CAMSAP2: variants seen among roughly 807,000 people sequenced by gnomAD.
The protein encoded by CAMSAP2 is calmodulin-regulated spectrin-associated protein 2.
In CAMSAP2, 26 loss-of-function variants were observed where a neutral mutation model predicts 146.1. The observed-to-expected ratio is 0.18, with a 90% CI of 0.13 to 0.25. CAMSAP2 has a LOEUF of 0.25. CAMSAP2 is among the 10% of genes least tolerant of loss of function. The pLI is 1.00. For missense variants in CAMSAP2, 1,381 were observed against 1,759.3 expected, an observed-to-expected ratio of 0.78 and a Z score of 3.85; for synonymous variants, 499 against 596.6, an observed-to-expected ratio of 0.84 and a Z score of 2.38.
At chr1:200,827,881 A>C (rs749230856) in intron 4 of CAMSAP2, among the ~76,000 whole-genome samples, 18 of 152,264 alleles carry the variant, frequency 1.2e-4, no homozygotes, top group South Asian at 8.3e-4. Flanking sequence ...TTATGGGTTT[A>C]TTATATTCAT....
intron 4 of CAMSAP2, among the ~76,000 whole-genome samples, chr1:200,826,303 A>C (rs553365410): frequency 6.6e-6 from 1 of 151,900 alleles, no homozygotes; most frequent in Non-Finnish European, 1.5e-5. Context: ...ATGGTGGTGC[A>C]TGCCTGTTGT....
rs548962016 is a variant in CAMSAP2 at position 200,755,750 on chromosome 1, G to A, written c.140-5089G>A. Among the ~76,000 whole-genome samples the A allele has an allele frequency of 1.8e-3, 280 of 152,300 alleles. 1 individual carries two copies. The highest frequency in any genetic ancestry group is 3.4e-3 in the Middle Eastern group (1 of 294). ...GCAGTTCCAGGTACTAGTGACACAGGACAGATAAGTATCTTGCTCTCCTTC... is the reference window on the plus strand; with the variant it reads ...GCAGTTCCAGGTACTAGTGACACAGAACAGATAAGTATCTTGCTCTCCTTC... On this transcript the variant is annotated intron_variant, in intron 1 of 16. Transcript: ENST00000358823.
At chr1:200,825,509 C>CTT (rs750646682) in intron 4 of CAMSAP2, among the ~76,000 whole-genome samples, 4 of 141,712 alleles carry the variant, frequency 2.8e-5, no homozygotes, top group East Asian at 2.0e-4. Context: ...TTCTTTCTTC[C>CTT]TTTTTTTTTT....
chr1:200,752,839 G>A (rs373800273), intron 1 of CAMSAP2, among the ~76,000 whole-genome samples: 4 of 151,794 alleles, frequency 2.6e-5, no homozygotes, highest in Admixed American at 2.0e-4. Context: ...GGATGGTCTC[G>A]ATCTCCTGAC....
intron 2 of CAMSAP2, among the ~76,000 whole-genome samples, chr1:200,764,640 A>T (rs970598318): frequency 1.3e-5 from 2 of 152,208 alleles, no homozygotes; most frequent in Non-Finnish European, 2.9e-5. Context: ...CTGATAGTTA[A>T]ATTGTTAAAG....
Position 200,859,120 on chromosome 1 carries a change from T to A in CAMSAP2, c.*1061T>A, listed in dbSNP as rs537517131. On this transcript the variant is annotated 3_prime_UTR_variant, in exon 17 of 17. Coordinates refer to ENST00000358823, the MANE Select transcript of CAMSAP2 (RefSeq NM_203459.4). ...GGGTTTTTCTTCATTTTAATCCTTT[T>A]CAAGTGGAATGGCTTAGAATAAGTA... 10 of 152,776 alleles carry A rather than the reference T, an allele frequency of 6.5e-5. No individual in the cohort carries two copies. In the East Asian group the frequency reaches 1.5e-3, roughly 23 times the overall value. The allele number at this position is 152,776 out of a possible 1,614,324, so 9.5% of individuals were successfully genotyped here.
At chr1:200,786,510 A>C (rs572259955) in intron 2 of CAMSAP2, among the ~76,000 whole-genome samples, 2 of 151,822 alleles carry the variant, frequency 1.3e-5, no homozygotes, top group Admixed American at 1.3e-4. Flanking sequence ...CAGCCTCCTG[A>C]GTAGCTGGAA....
chr1:200,740,069 T>G, intron 1 of CAMSAP2, 103 bp downstream of exon 1: 2 of 1,318,352 alleles, frequency 1.5e-6, no homozygotes, highest in Non-Finnish European at 2.1e-6. Flanking sequence ...GCCTGTCTTC[T>G]CGTACAGGTT....
intron 1 of CAMSAP2, among the ~76,000 whole-genome samples, chr1:200,749,992 G>A (rs1008905937): frequency 1.3e-5 from 2 of 152,098 alleles, no homozygotes; most frequent in Admixed American, 6.6e-5. Flanking sequence ...GCCAGAGGAA[G>A]GATTTTAATC....
chr1:200,803,252 G>A (rs1666081624), intron 2 of CAMSAP2, among the ~76,000 whole-genome samples: 2 of 152,176 alleles, frequency 1.3e-5, no homozygotes. Flanking sequence ...CCTTGGACAG[G>A]TTATACAGTT....
intron 1 of CAMSAP2, among the ~76,000 whole-genome samples, chr1:200,743,823 C>A (rs1317880371): frequency 6.6e-6 from 1 of 152,022 alleles, no homozygotes; most frequent in Non-Finnish European, 1.5e-5. Context: ...TGCCTGTAAT[C>A]CCAACTACTC....
At chr1:200,830,242 T>C (rs1667008072) in intron 4 of CAMSAP2, among the ~76,000 whole-genome samples, 1 of 152,258 alleles carries the variant, frequency 6.6e-6, no homozygotes, top group Non-Finnish European at 1.5e-5. Context: ...TGGCATCCCA[T>C]TCATAATTCT....
At chr1:200,749,927 T>C (rs1007394887) in intron 1 of CAMSAP2, among the ~76,000 whole-genome samples, 1 of 152,096 alleles carries the variant, frequency 6.6e-6, no homozygotes, top group African/African-American at 2.4e-5. Context: ...GAAGAGAGCA[T>C]GGTTTCCAGG....
intron 2 of CAMSAP2, among the ~76,000 whole-genome samples, chr1:200,786,977 G>T (rs1173151519): frequency 2.7e-5 from 4 of 149,580 alleles, no homozygotes; most frequent in Non-Finnish European, 6.0e-5. Flanking sequence ...TTATAGCATG[G>T]TTTACTGGAT....
At chr1:200,811,010 C>A (rs376075730) in intron 3 of CAMSAP2, among the ~76,000 whole-genome samples, 2 of 152,190 alleles carry the variant, frequency 1.3e-5, no homozygotes, top group African/African-American at 4.8e-5. Context: ...TTTGCTATTT[C>A]GTTAGCCTGC....
At chr1:200,767,192 G>C (rs1664977314) in intron 2 of CAMSAP2, among the ~76,000 whole-genome samples, 1 of 151,934 alleles carries the variant, frequency 6.6e-6, no homozygotes, top group Admixed American at 6.6e-5. Context: ...AAAATTAGCT[G>C]GGCATGGTGG....
chr1:200,817,233 TAC>T (rs1166145429), intron 4 of CAMSAP2, among the ~76,000 whole-genome samples: 23 of 46,460 alleles, frequency 5.0e-4, no homozygotes, highest in African/African-American at 1.2e-3. Flanking sequence ...TGTGTGTATA[TAC>T]ACACATACAC....
chr1:200,779,924 GCAGA>G (rs1435444034), intron 2 of CAMSAP2, among the ~76,000 whole-genome samples: 2 of 152,074 alleles, frequency 1.3e-5, no homozygotes, highest in East Asian at 3.9e-4. Context: ...AAATAATGAG[GCAGA>G]CAGGTTCAGA....
intron 3 of CAMSAP2, among the ~76,000 whole-genome samples, chr1:200,808,511 C>T (rs1196190680): frequency 6.6e-6 from 1 of 152,222 alleles, no homozygotes; most frequent in Non-Finnish European, 1.5e-5. Flanking sequence ...AACACTATTA[C>T]AGCTATCTTC....
Sources: allele counts gnomAD v4.1 joint callset (sites outside exome capture counted in the v4.1 genomes callset), GRCh38; gene constraint gnomAD v4.1.1; transcripts MANE v1.5; gene names NCBI Gene and HGNC (gene_info 2026-07-23, HGNC 2026-07-21).